AKNA: variants seen among roughly 807,000 people sequenced by gnomAD.
The protein encoded by AKNA is AT-hook transcription factor.
Under a neutral mutation model 138.8 loss-of-function variants are expected in AKNA, and 67 were observed. The observed-to-expected ratio is 0.48, with a 90% CI of 0.40 to 0.59. The LOEUF is 0.59. AKNA is among the 20% of genes least tolerant of loss of function. AKNA has a pLI of 0.00. For missense variants in AKNA, 1,813 were observed against 1,880.4 expected (o/e 0.96, Z 0.66); for synonymous variants, 737 against 754.4 (o/e 0.98, Z 0.38).
intron 14 of AKNA, among the ~76,000 whole-genome samples, chr9:114,352,376 T>A (rs2131857215): frequency 6.6e-6 from 1 of 152,004 alleles, no homozygotes; most frequent in Middle Eastern, 3.4e-3. Context: ...GGCGGGCGGA[T>A]CACTTGAGGT....
chr9:114,393,232 T>G (rs1040967167), intron 1 of AKNA, among the ~76,000 whole-genome samples: 13 of 150,318 alleles, frequency 8.6e-5, no homozygotes, highest in African/African-American at 2.4e-4. Context: ...TTTTTTTTTT[T>G]GGAGATGGAG....
intron 15 of AKNA, among the ~76,000 whole-genome samples, chr9:114,350,242 C>A (rs765346327): frequency 3.9e-5 from 6 of 152,148 alleles, no homozygotes; most frequent in Non-Finnish European, 8.8e-5. Context: ...CAACTTTGCA[C>A]GTAGGCAACA....
intron 4 of AKNA, among the ~76,000 whole-genome samples, chr9:114,369,531 C>G (rs74848702): frequency 0.028 from 4,276 of 152,276 alleles, 66 homozygotes; most frequent in Non-Finnish European, 0.041. Context: ...CTAGGCTCTA[C>G]CACAGCACAC....
At chr9:114,346,989 G>A (rs1325712142) in intron 16 of AKNA, among the ~76,000 whole-genome samples, 2 of 152,036 alleles carry the variant, frequency 1.3e-5, no homozygotes. Context: ...TGTCAAGTGG[G>A]GATAATAACA....
chr9:114,362,433 C>T lies in AKNA; in HGVS notation c.1889G>A (p.Gly630Glu), dbSNP rs757632663. The T allele has an allele frequency of 1.2e-6, 2 of 1,612,552 alleles. No homozygotes were observed. Among genetic ancestry groups the T allele is most frequent in the Non-Finnish European group, 8.5e-7 (1 of 1,179,352 alleles). ...GCGAGGATCAAATCTTCCAGGCGTCCCCTTGGAGCCGGCAAGCGGCTGGGC... is the reference window on the plus strand; with the variant it reads ...GCGAGGATCAAATCTTCCAGGCGTCTCCTTGGAGCCGGCAAGCGGCTGGGC... ...HPAQPLAGSKGTPGRFDPRRE... is the reference protein window; with the variant it reads ...HPAQPLAGSKETPGRFDPRRE... Residue 630 changes from glycine (G) to glutamate (E), a missense_variant, in exon 8 of 22, where the codon GGG (glycine) becomes GAG (glutamate). By Grantham distance (98) the Gly-to-Glu change is moderately conservative (BLOSUM62 -2). Coordinates refer to ENST00000374088, the MANE Select transcript of AKNA (RefSeq NM_001317950.2).
chr9:114,331,316 C>T (rs1440184205), downstream of AKNA, among the ~76,000 whole-genome samples: 1 of 152,098 alleles, frequency 6.6e-6, no homozygotes, highest in Non-Finnish European at 1.5e-5. Context: ...CCTCATTTTC[C>T]TCCTCTGTAA....
At chr9:114,337,384 A>C in intron 21 of AKNA, 78 bp from the exon 22 acceptor site, 1 of 1,332,200 alleles carries the variant, frequency 7.5e-7, no homozygotes, top group Non-Finnish European at 9.7e-7. Context: ...TGTGGGGTCA[A>C]CCCCCTTCTA....
intron 12 of AKNA, 65 bp from the exon 13 acceptor site, chr9:114,357,034 C>A: frequency 6.9e-7 from 1 of 1,454,062 alleles, no homozygotes; most frequent in Non-Finnish European, 9.3e-7. Flanking sequence ...AAGCCCTTCC[C>A]AAATCGTGGC....
rs1273597969 is a variant in AKNA, at chr9:114,335,252, G to C, written c.*1802C>G. ...GCAAAAAACACACATAACAAAGAAT[G>C]TGGACTTTGGGTCAGACCAATGTGA... On this transcript the variant is annotated 3_prime_UTR_variant, in exon 22 of 22. Coordinates refer to ENST00000374088, the MANE Select transcript of AKNA (RefSeq NM_001317950.2). The C allele has an allele frequency of 6.6e-6, 1 of 152,246 alleles. No individual in the cohort carries two copies. Among genetic ancestry groups the C allele is most frequent in the Non-Finnish European group, 1.5e-5 (1 of 68,050 alleles). 9.4% of individuals were successfully genotyped at this position (152,246 alleles called of 1,614,324 possible). A position where few individuals can be genotyped will look rare whatever the true frequency, so the allele number is the denominator to read the frequency against.
chr9:114,351,418 C>T (rs778483962), intron 14 of AKNA, among the ~76,000 whole-genome samples: 4 of 152,192 alleles, frequency 2.6e-5, no homozygotes, highest in African/African-American at 7.2e-5. Flanking sequence ...CCTCTTTCCA[C>T]GTATGCATGT....
upstream of AKNA, among the ~76,000 whole-genome samples, chr9:114,392,318 TC>T (rs1834378666): frequency 1.3e-5 from 2 of 152,184 alleles, no homozygotes; most frequent in Admixed American, 1.3e-4. Flanking sequence ...GAGATTATCT[TC>T]TAATGCTAAA....
Position 114,362,314 on chromosome 9 carries a change from A to T in AKNA, c.1916+92T>A, listed in dbSNP as rs555360412. 4.1e-5 allele frequency: 59 copies of T among 1,456,118 alleles called. No individual in the cohort carries two copies. The South Asian group carries it at 7.4e-4, about 18-fold the overall frequency. 90.2% of individuals were successfully genotyped at this position (1,456,118 alleles called of 1,614,324 possible). A position where few individuals can be genotyped will look rare whatever the true frequency, so the allele number is the denominator to read the frequency against. ...ATTTCTCTCTATTCCCCGTGTACAA[A>T]TTATAAGGACAAAGTGCCTCCCTCC... On this transcript the variant is annotated intron_variant, in intron 8 of 21. Transcript: ENST00000374088.
At chr9:114,341,381 T>C (rs1488867817) in intron 21 of AKNA, 152 bp downstream of exon 21, 4 of 957,646 alleles carry the variant, frequency 4.2e-6, no homozygotes, top group Non-Finnish European at 6.3e-6. Flanking sequence ...TGAGTGACTA[T>C]ATGAGTGTTG....
intron 15 of AKNA, 87 bp from the exon 16 acceptor site, chr9:114,347,987 T>A: frequency 2.8e-6 from 4 of 1,440,382 alleles, no homozygotes; most frequent in Non-Finnish European, 3.7e-6. Flanking sequence ...TGCGGCAGCC[T>A]TTGTCCCTTC....
At chr9:114,330,605 A>T, downstream of AKNA, 1 of 1,608,832 alleles carries the variant, frequency 6.2e-7, no homozygotes, top group Non-Finnish European at 8.5e-7. Flanking sequence ...ATGCACCCCC[A>T]TCTCAGCTTC....
Position 114,387,394 on chromosome 9 carries a change from G to A in AKNA, c.-114+466C>T, listed in dbSNP as rs759471424. Among the ~76,000 whole-genome samples, 3 of 152,320 alleles carry A rather than the reference G, an allele frequency of 2.0e-5. No homozygotes were observed. The South Asian group carries it at 6.2e-4, about 32-fold the overall frequency. On this transcript the variant is annotated intron_variant, in intron 1 of 21. Transcript: ENST00000374088. ...CATCCTCAAGAGCTGAGCTGGGTCT[G>A]CTGGTCCTCGGACTGTCCTTGGCTC...
intron 1 of AKNA, among the ~76,000 whole-genome samples, chr9:114,386,191 A>G (rs1834018699): frequency 6.6e-6 from 1 of 152,234 alleles, no homozygotes; most frequent in African/African-American, 2.4e-5. Flanking sequence ...AAAAAGCCCT[A>G]TGACTTCCTA....
chr9:114,389,749 T>G (rs1193052908), upstream of AKNA, among the ~76,000 whole-genome samples: 1 of 152,236 alleles, frequency 6.6e-6, no homozygotes, highest in Non-Finnish European at 1.5e-5. Context: ...CCTGGCACAC[T>G]GTTTATGGCT....
At chr9:114,391,663 A>G (rs924482355), upstream of AKNA, among the ~76,000 whole-genome samples, 4 of 152,130 alleles carry the variant, frequency 2.6e-5, no homozygotes, top group African/African-American at 9.7e-5. Flanking sequence ...AGCCTGGGCA[A>G]CATGATGAAA....
Sources: allele counts gnomAD v4.1 joint callset (sites outside exome capture counted in the v4.1 genomes callset), GRCh38; gene constraint gnomAD v4.1.1; transcripts MANE v1.5; gene names NCBI Gene and HGNC (gene_info 2026-07-23, HGNC 2026-07-21).